Variants in PAPSS2 observed in about 807,000 individuals in gnomAD.
The protein encoded by PAPSS2 is 3'-phosphoadenosine 5'-phosphosulfate synthase 2, also known as bifunctional 3'-phosphoadenosine 5'-phosphosulfate synthase 2.
Under a neutral mutation model 66.5 loss-of-function variants are expected in PAPSS2, and 61 were observed. The observed-to-expected ratio is 0.92, with a 90% CI of 0.75 to 1.14. PAPSS2 has a LOEUF of 1.14. Ranked by LOEUF, PAPSS2 falls within the 50% of genes most tolerant of loss-of-function variation. PAPSS2 has a pLI of 0.00. For synonymous variants in PAPSS2, 289 were observed against 287.5 expected, an observed-to-expected ratio of 1.01 and a Z score of -0.05; for missense variants, 708 against 789.6, an observed-to-expected ratio of 0.90 and a Z score of 1.24.
intron 1 of PAPSS2, among the ~76,000 whole-genome samples, chr10:87,700,358 T>C (rs1853287503): frequency 1.3e-5 from 2 of 152,336 alleles, no homozygotes; most frequent in South Asian, 4.1e-4. Flanking sequence ...AATTTTCTTT[T>C]AAAGAATGAG....
chr10:87,728,212 C>T (rs1007802330), intron 9 of PAPSS2, among the ~76,000 whole-genome samples: 2 of 152,002 alleles, frequency 1.3e-5, no homozygotes, highest in Non-Finnish European at 2.9e-5. Flanking sequence ...GTTCATTTCC[C>T]ACAAAGAAAA....
Position 87,745,953 on chromosome 10 carries a change from T to A in PAPSS2, c.1843T>A (p.Ser615Thr). ...AWKVLTDYYR[S>T]LEKN ...GAAGGTCCTGACAGATTATTACAGG[T>A]CCCTGGAGAAGAACTAAGCCTTTGG... The change falls in exon 13 of 13, where the codon TCC (serine) becomes ACC (threonine). Residue 615 changes from serine to threonine, a missense_variant. Transcript: ENST00000456849. 1.2e-6 allele frequency: 2 copies of A among 1,614,094 alleles called. No individual in the cohort carries two copies. The highest frequency in any genetic ancestry group is 1.7e-6 in the Non-Finnish European group (2 of 1,179,970).
intron 1 of PAPSS2, among the ~76,000 whole-genome samples, chr10:87,665,502 T>C (rs61853127): frequency 0.097 from 14,746 of 152,230 alleles, 987 homozygotes; most frequent in Non-Finnish European, 0.14. Context: ...TGAGCCACCG[T>C]GCCCGGCCTG....
chr10:87,724,977 C>T lies in PAPSS2; in HGVS notation c.881-2307C>T, dbSNP rs948061349. 5.3e-5 allele frequency among the ~76,000 whole-genome samples: 8 copies of T among 151,698 alleles called. No individual in the cohort carries two copies. The East Asian group carries it at 5.8e-4, about 11-fold the overall frequency. ...AGGCTGGGGACCCCGAGAAGACCTGCGGTTCAAGTCCACAGGCGGTCTGCT... is the reference window on the plus strand; with the variant it reads ...AGGCTGGGGACCCCGAGAAGACCTGTGGTTCAAGTCCACAGGCGGTCTGCT... On this transcript the variant is annotated intron_variant, in intron 8 of 12. Transcript: ENST00000456849.
intron 1 of PAPSS2, among the ~76,000 whole-genome samples, chr10:87,671,395 TGTTA>T (rs1464626571): frequency 6.6e-6 from 1 of 152,206 alleles, no homozygotes; most frequent in Non-Finnish European, 1.5e-5. Context: ...AGGCAATAAA[TGTTA>T]GTTTGGATGA....
Position 87,747,346 on chromosome 10 carries a change from G to C in PAPSS2, c.*1376G>C, listed in dbSNP as rs1041140906. On this transcript the variant is annotated 3_prime_UTR_variant, in exon 13 of 13. Transcript: ENST00000456849. ...TTAATATATAGGTCTCTCTGGAAGA[G>C]ACCTAAATTAGAAAGAGAAAACTGT... is the stretch of plus-strand genomic sequence containing the variant. The C allele has an allele frequency of 1.7e-4, 26 of 152,092 alleles. No homozygotes were observed. Among genetic ancestry groups the C allele is most frequent in the Non-Finnish European group, 1.5e-5 (1 of 68,004 alleles). 9.4% of individuals were successfully genotyped at this position (152,092 alleles called of 1,614,324 possible).
intron 10 of PAPSS2, among the ~76,000 whole-genome samples, chr10:87,741,791 C>T (rs1411684127): frequency 6.6e-6 from 1 of 152,166 alleles, no homozygotes; most frequent in Non-Finnish European, 1.5e-5. Flanking sequence ...AGGTCTCACC[C>T]TGTCACCCAG....
chr10:87,682,601 GA>G lies in PAPSS2; in HGVS notation c.27+22603del, dbSNP rs371070583. Among the ~76,000 whole-genome samples, 1,261 of 149,440 alleles carry G rather than the reference GA, an allele frequency of 8.4e-3. 22 individuals carry two copies. Among genetic ancestry groups the G allele is most frequent in the African/African-American group, 0.026 (1,053 of 40,742 alleles). ...TGAAGCATGGCATCGAAAGAGGTTA[GA>G]AAAAAAAAATTCACTAAAAACAATC... On this transcript the variant is annotated intron_variant, in intron 1 of 12. Transcript: ENST00000456849.
chr10:87,705,917 A>T (rs1216918594), intron 1 of PAPSS2, among the ~76,000 whole-genome samples: 3 of 150,138 alleles, frequency 2.0e-5, no homozygotes, highest in African/African-American at 7.4e-5. Flanking sequence ...TATTTTTAGT[A>T]GTGATGGGGT....
intron 1 of PAPSS2, among the ~76,000 whole-genome samples, chr10:87,666,385 T>C (rs934356171): frequency 4.6e-5 from 7 of 152,242 alleles, no homozygotes; most frequent in African/African-American, 1.7e-4. Context: ...CCTTTCTAGA[T>C]TCCTGTGAAT....
At chr10:87,661,095 A>G in intron 1 of PAPSS2, 1 of 451,776 alleles carries the variant, frequency 2.2e-6, no homozygotes, top group Non-Finnish European at 4.5e-6. Context: ...AATGTGTATT[A>G]CCGAAATATC....
chr10:87,686,080 G>A (rs1853084582), intron 1 of PAPSS2, among the ~76,000 whole-genome samples: 1 of 151,442 alleles, frequency 6.6e-6, no homozygotes, highest in Non-Finnish European at 1.5e-5. Flanking sequence ...TCATGCACCT[G>A]GTTTCCTGCT....
intron 1 of PAPSS2, chr10:87,703,678 T>C: frequency 5.8e-6 from 3 of 514,426 alleles, no homozygotes; most frequent in Non-Finnish European, 1.2e-5. Flanking sequence ...AGGTTTCAAA[T>C]CCAGGTCTGC....
intron 10 of PAPSS2, among the ~76,000 whole-genome samples, chr10:87,742,401 G>A (rs1853880879): frequency 1.3e-5 from 2 of 152,192 alleles, no homozygotes; most frequent in South Asian, 4.1e-4. Context: ...TGGGGATGGA[G>A]TTTGGACTAA....
At chr10:87,706,108 A>ATATATATATATATGTGTGTGTGTGTG in intron 1 of PAPSS2, among the ~76,000 whole-genome samples, 23 of 51,988 alleles carry the variant, frequency 4.4e-4, no homozygotes, top group African/African-American at 2.0e-3. Context: ...ATATATATAT[A>ATATATATATATATGTGTGTGTGTGTG]TGTGTGTGTG....
At chr10:87,709,379 G>A (rs1589433361) in intron 2 of PAPSS2, 66 bp downstream of exon 2, 1 of 960,994 alleles carries the variant, frequency 1.0e-6, no homozygotes, top group East Asian at 2.5e-5. Context: ...ACAATTTTAT[G>A]GAAATTAGTG....
intron 1 of PAPSS2, among the ~76,000 whole-genome samples, chr10:87,677,279 CT>C (rs1271957443): frequency 6.6e-6 from 1 of 152,124 alleles, no homozygotes; most frequent in Non-Finnish European, 1.5e-5. Context: ...AATGGCAATT[CT>C]TTTTTTCTGA....
rs201465674 is a variant in PAPSS2 at position 87,745,890 on chromosome 10, G to A, written c.1780G>A (p.Glu594Lys). ...AATGAGGAAGCTCGCCCGGGAAGGA[G>A]AGAATCCCCCAGATGGCTTCATGGC... is the stretch of plus-strand genomic sequence containing the variant. ...TRMRKLAREG[E>K]NPPDGFMAPK... Residue 594 changes from glutamate to lysine, a missense_variant, in exon 13 of 13, where the codon GAG becomes AAG. Physicochemically the swap from Glu to Lys is moderately conservative, Grantham distance 56. Coordinates refer to ENST00000456849, the MANE Select transcript of PAPSS2 (RefSeq NM_001015880.2). 1.2e-4 allele frequency: 199 copies of A among 1,613,966 alleles called. No homozygotes were observed. The highest frequency in any genetic ancestry group is 1.2e-4 in the Non-Finnish European group (139 of 1,179,988).
rs192018982 is a variant in PAPSS2, at chr10:87,701,109, T to C, written c.28-8087T>C. On this transcript the variant is annotated intron_variant, in intron 1 of 12. Coordinates refer to ENST00000456849, the MANE Select transcript of PAPSS2 (RefSeq NM_001015880.2). The stretch of plus-strand genomic sequence containing the variant: ...AGATATAATGTGATATATAATAAAG[T>C]ACATACCAAAAGGGGAGCAAGTGAA... Among the ~76,000 whole-genome samples the C allele has an allele frequency of 1.8e-3, 271 of 151,498 alleles. 2 individuals carry two copies. The highest frequency in any genetic ancestry group is 2.5e-3 in the Non-Finnish European group (169 of 67,832).
Sources: allele counts gnomAD v4.1 joint callset (sites outside exome capture counted in the v4.1 genomes callset), GRCh38; gene constraint gnomAD v4.1.1; transcripts MANE v1.5; gene names NCBI Gene and HGNC (gene_info 2026-07-23, HGNC 2026-07-21).